LHFPL3: variants seen among roughly 807,000 people sequenced by gnomAD.
LHFPL3 encodes LHFPL tetraspan subfamily member 3, also known as LHFPL tetraspan subfamily member 3 protein.
Under a neutral mutation model 19.3 loss-of-function variants are expected in LHFPL3, and 5 were observed. That is an observed-to-expected ratio of 0.26 (90% CI 0.14 to 0.54). The LOEUF (loss-of-function observed/expected upper bound fraction) is 0.54. Ranked by LOEUF, LHFPL3 falls within the 20% of genes least tolerant of loss-of-function variation. The pLI is 0.94. For missense variants in LHFPL3, 249 were observed against 307.4 expected, an observed-to-expected ratio of 0.81 and a Z score of 1.42; for synonymous variants, 133 against 126.2, an observed-to-expected ratio of 1.05 and a Z score of -0.36.
intron 1 of LHFPL3, among the ~76,000 whole-genome samples, chr7:104,402,224 A>G (rs557372781): frequency 4.7e-4 from 72 of 152,364 alleles, no homozygotes; most frequent in African/African-American, 1.5e-3. Context: ...CACATAAAAC[A>G]AAAGTATTCT....
intron 1 of LHFPL3, among the ~76,000 whole-genome samples, chr7:104,703,578 T>C (rs982266368): frequency 6.6e-6 from 1 of 152,232 alleles, no homozygotes; most frequent in African/African-American, 2.4e-5. Flanking sequence ...CCTAGGTTTA[T>C]CTTCATCTCT....
intron 1 of LHFPL3, among the ~76,000 whole-genome samples, chr7:104,430,750 G>A (rs987590739): frequency 6.6e-6 from 1 of 151,724 alleles, no homozygotes; most frequent in Non-Finnish European, 1.5e-5. Flanking sequence ...TTACAGGCAT[G>A]AGCCACTGCG....
intron 1 of LHFPL3, among the ~76,000 whole-genome samples, chr7:104,472,130 T>C (rs1445047959): frequency 6.6e-6 from 1 of 151,366 alleles, no homozygotes; most frequent in Non-Finnish European, 1.5e-5. Context: ...TGAGCTATGA[T>C]TGCACCACTG....
intron 2 of LHFPL3, among the ~76,000 whole-genome samples, chr7:104,780,559 A>G (rs967096992): frequency 2.6e-5 from 4 of 151,974 alleles, no homozygotes; most frequent in Admixed American, 2.6e-4. Flanking sequence ...ACAAGGGGGG[A>G]AAAGATTCTT....
intron 1 of LHFPL3, among the ~76,000 whole-genome samples, chr7:104,591,050 G>A (rs1000318694): frequency 2.6e-5 from 4 of 152,044 alleles, no homozygotes; most frequent in African/African-American, 9.7e-5. Context: ...ACACTGATGG[G>A]TCCTGACTCT....
chr7:104,718,083 A>G (rs1486662462), intron 1 of LHFPL3, among the ~76,000 whole-genome samples: 1 of 152,188 alleles, frequency 6.6e-6, no homozygotes, highest in Non-Finnish European at 1.5e-5. Context: ...TCAGGTATCT[A>G]TCTAAAATAG....
chr7:104,752,097 G>T (rs963241961), intron 2 of LHFPL3, among the ~76,000 whole-genome samples: 1 of 152,130 alleles, frequency 6.6e-6, no homozygotes, highest in Non-Finnish European at 1.5e-5. Flanking sequence ...TGCGTTTGAG[G>T]TTGTAATGTT....
intron 1 of LHFPL3, among the ~76,000 whole-genome samples, chr7:104,700,862 A>G (rs1793088387): frequency 6.6e-6 from 1 of 152,084 alleles, no homozygotes; most frequent in Non-Finnish European, 1.5e-5. Context: ...CTTTCTTTCC[A>G]TAGAGCCCTT....
At chr7:104,330,968 T>G (rs1801556849) in intron 1 of LHFPL3, among the ~76,000 whole-genome samples, 1 of 152,196 alleles carries the variant, frequency 6.6e-6, no homozygotes, top group Non-Finnish European at 1.5e-5. Context: ...AGACAGGTGA[T>G]TCAAATTACA....
chr7:104,496,190 A>T (rs551890896), intron 1 of LHFPL3, among the ~76,000 whole-genome samples: 2 of 152,104 alleles, frequency 1.3e-5, no homozygotes, highest in Admixed American at 1.3e-4. Flanking sequence ...TCGTTGTTCA[A>T]TTCCCACCTA....
At chr7:104,616,234 A>G (rs143654045) in intron 1 of LHFPL3, among the ~76,000 whole-genome samples, 28,964 of 152,078 alleles carry the variant, frequency 0.19, 3,073 homozygotes, top group East Asian at 0.44. Context: ...CTGACTTCAA[A>G]CTATACTACA....
intron 1 of LHFPL3, among the ~76,000 whole-genome samples, chr7:104,565,215 T>C (rs1431320822): frequency 2.6e-5 from 4 of 152,202 alleles, no homozygotes; most frequent in Non-Finnish European, 4.4e-5. Context: ...TGAAAAATAT[T>C]AAGTCCTGTG....
At chr7:104,347,948 T>G (rs1790103527) in intron 1 of LHFPL3, among the ~76,000 whole-genome samples, 1 of 151,854 alleles carries the variant, frequency 6.6e-6, no homozygotes, top group South Asian at 2.1e-4. Flanking sequence ...AAAACTGATG[T>G]CACAATCCAA....
chr7:104,646,722 T>C (rs111383311), intron 1 of LHFPL3, among the ~76,000 whole-genome samples: 2 of 152,358 alleles, frequency 1.3e-5, no homozygotes, highest in African/African-American at 4.8e-5. Flanking sequence ...CCTAAATCAT[T>C]AGTCACTAAG....
intron 1 of LHFPL3, among the ~76,000 whole-genome samples, chr7:104,403,796 C>T (rs1791364516): frequency 6.6e-6 from 1 of 151,164 alleles, no homozygotes; most frequent in Admixed American, 6.6e-5. Flanking sequence ...GGTGTCATTC[C>T]TATGCTATGT....
rs964272378 is a variant in LHFPL3 at position 104,486,627 on chromosome 7, A to G, written c.445+157403A>G. 2.6e-5 allele frequency among the ~76,000 whole-genome samples: 4 copies of G among 152,324 alleles called. No homozygotes were observed. The East Asian group carries it at 5.8e-4, about 22-fold the overall frequency. ...AACCCTGGGATTAGGATTTCAGTGC[A>G]TGTGGAGAAGGGGTGCAGATGTAAA... On this transcript the variant is annotated intron_variant, in intron 1 of 2. Transcript: ENST00000424859.
intron 1 of LHFPL3, among the ~76,000 whole-genome samples, chr7:104,607,300 A>AT (rs1483454133): frequency 3.3e-5 from 5 of 152,202 alleles, no homozygotes; most frequent in African/African-American, 7.2e-5. Flanking sequence ...ACAATGTCAG[A>AT]TTTTTTCTCA....
intron 1 of LHFPL3, among the ~76,000 whole-genome samples, chr7:104,359,040 A>G (rs1161393731): frequency 1.3e-5 from 2 of 152,208 alleles, no homozygotes; most frequent in Non-Finnish European, 2.9e-5. Context: ...GGAGCCAGGG[A>G]GTGAAATAGA....
At chr7:104,783,596 G>A (rs1789854437) in intron 2 of LHFPL3, among the ~76,000 whole-genome samples, 1 of 152,188 alleles carries the variant, frequency 6.6e-6, no homozygotes. Context: ...TCAAATAAAT[G>A]CTTTCATGCT....
Sources: gnomAD v4.1 joint callset for allele counts (sites outside exome capture counted in the v4.1 genomes callset) on GRCh38, gnomAD v4.1.1 for gene constraint, MANE v1.5 for transcripts, NCBI Gene and HGNC (gene_info 2026-07-23, HGNC 2026-07-21) for gene names.